ADGB: variants seen among roughly 807,000 people sequenced by gnomAD.
ADGB encodes the protein androglobin, also known as calpain-7-like protein.
ADGB carries 172 observed loss-of-function variants against 210.5 expected under a neutral mutation model. The observed-to-expected ratio is 0.82, with a 90% CI of 0.72 to 0.93. ADGB has a LOEUF of 0.93. Among genes scored for constraint, ADGB ranks in the 40% least tolerant of loss-of-function variants. The pLI, the probability that ADGB is intolerant of heterozygous loss-of-function variation, is 0.00. For synonymous variants in ADGB, 658 were observed against 662.7 expected (o/e 0.99, Z 0.11); for missense variants, 2,025 against 1,964.8 (o/e 1.03, Z -0.58).
At chr6:146,672,191 G>A in intron 7 of ADGB, 29 bp from the exon 8 acceptor site, 1 of 1,452,444 alleles carries the variant, frequency 6.9e-7, no homozygotes, top group Non-Finnish European at 9.1e-7. Flanking sequence ...ACATCGTTTG[G>A]AAATTAATGT....
chr6:146,787,049 C>T (rs1777884003), intron 32 of ADGB, among the ~76,000 whole-genome samples: 1 of 152,220 alleles, frequency 6.6e-6, no homozygotes, highest in African/African-American at 2.4e-5. Context: ...GAAAGAGGAA[C>T]TTGATTTGAT....
At chr6:146,690,071 CTGAT>C (rs1473958247) in intron 10 of ADGB, among the ~76,000 whole-genome samples, 1 of 152,124 alleles carries the variant, frequency 6.6e-6, no homozygotes, top group Non-Finnish European at 1.5e-5. Context: ...CACTAGTGCA[CTGAT>C]TAACTCCTTC....
chr6:146,777,850 A>T (rs1390918863), intron 29 of ADGB, among the ~76,000 whole-genome samples: 1 of 152,156 alleles, frequency 6.6e-6, no homozygotes, highest in African/African-American at 2.4e-5. Context: ...GTACATTTTA[A>T]ACTGCAGATT....
intron 26 of ADGB, among the ~76,000 whole-genome samples, chr6:146,748,805 C>T (rs1174564348): frequency 6.6e-6 from 1 of 152,136 alleles, no homozygotes; most frequent in Non-Finnish European, 1.5e-5. Context: ...GTCTCAAACT[C>T]TTGGCCTCAA....
intron 1 of ADGB, among the ~76,000 whole-genome samples, chr6:146,603,661 G>A (rs1482862619): frequency 6.6e-6 from 1 of 152,104 alleles, no homozygotes; most frequent in Non-Finnish European, 1.5e-5. Flanking sequence ...TAATTTTCAA[G>A]TTAATCTAAC....
chr6:146,699,382 G>A (rs1179077097), intron 12 of ADGB, among the ~76,000 whole-genome samples: 3 of 152,084 alleles, frequency 2.0e-5, no homozygotes, highest in African/African-American at 7.2e-5. Flanking sequence ...GAGTCCGAAG[G>A]GCAGAAGCCC....
chr6:146,635,021 CTGAT>C (rs1380193654), intron 1 of ADGB, among the ~76,000 whole-genome samples: 2 of 151,892 alleles, frequency 1.3e-5, no homozygotes, highest in African/African-American at 2.4e-5. Flanking sequence ...TATATGTAGA[CTGAT>C]AGATATATAG....
At chr6:146,716,040 C>A (rs1009316058) in intron 14 of ADGB, among the ~76,000 whole-genome samples, 13 of 143,594 alleles carry the variant, frequency 9.1e-5, no homozygotes, top group Admixed American at 3.4e-4. Context: ...TGCACTCCAG[C>A]CTGGACTCCG....
At chr6:146,807,562 A>C in intron 35 of ADGB, 4 of 1,538,252 alleles carry the variant, frequency 2.6e-6, no homozygotes, top group Non-Finnish European at 3.5e-6. Context: ...GACACACAGA[A>C]AAAAAAGAAA....
intron 27 of ADGB, among the ~76,000 whole-genome samples, chr6:146,763,575 A>G (rs563806875): frequency 1.2e-4 from 19 of 152,354 alleles, no homozygotes; most frequent in Non-Finnish European, 2.8e-4. Context: ...TAACATACAT[A>G]TGTGGCATTA....
chr6:146,675,174 C>T lies in ADGB; in HGVS notation c.1088-1139C>T, dbSNP rs765568987. Among the ~76,000 whole-genome samples, 112 of 151,998 alleles carry T rather than the reference C, an allele frequency of 7.4e-4. 1 individual carries two copies. The highest frequency in any genetic ancestry group is 1.4e-3 in the Non-Finnish European group (93 of 67,996). ...TCTGCTGAAAAAGCTAAGATATGGG[C>T]CGGGCATAGTTGCTCACACCTGTAT... On this transcript the variant is annotated intron_variant, in intron 8 of 35. Transcript: ENST00000397944.
intron 10 of ADGB, among the ~76,000 whole-genome samples, chr6:146,686,314 T>C (rs1189130405): frequency 3.9e-5 from 6 of 152,110 alleles, no homozygotes; most frequent in Non-Finnish European, 7.4e-5. Context: ...TGTTTTCTTA[T>C]ACATTTAACA....
chr6:146,675,274 T>TGA, intron 8 of ADGB, among the ~76,000 whole-genome samples: 1 of 152,028 alleles, frequency 6.6e-6, no homozygotes, highest in East Asian at 1.9e-4. Flanking sequence ...GACAACCTGG[T>TGA]GAAATCCTGT....
intron 7 of ADGB, among the ~76,000 whole-genome samples, chr6:146,669,587 C>T (rs1562269863): frequency 6.6e-6 from 1 of 152,098 alleles, no homozygotes; most frequent in Non-Finnish European, 1.5e-5. Context: ...GCAACACTTG[C>T]TTCCCTTGGT....
intron 2 of ADGB, among the ~76,000 whole-genome samples, chr6:146,641,316 A>G (rs11963708): frequency 0.019 from 2,950 of 152,174 alleles, 40 homozygotes; most frequent in Middle Eastern, 0.058. Flanking sequence ...TGAAAAGGCT[A>G]TACTGCCCAA....
intron 1 of ADGB, among the ~76,000 whole-genome samples, chr6:146,607,949 G>A (rs1274391208): frequency 2.0e-5 from 3 of 152,122 alleles, no homozygotes; most frequent in African/African-American, 4.8e-5. Context: ...TCCCCTCGAT[G>A]TGTTGGAATC....
intron 7 of ADGB, among the ~76,000 whole-genome samples, chr6:146,669,198 A>G (rs1775974503): frequency 1.3e-5 from 2 of 152,080 alleles, no homozygotes; most frequent in African/African-American, 4.8e-5. Context: ...GATCAAATGA[A>G]AAAACAATAA....
rs532041669 is a variant in ADGB at position 146,698,630 on chromosome 6, T to C, written c.1578-2311T>C. Among the ~76,000 whole-genome samples the C allele has an allele frequency of 2.6e-5, 4 of 152,322 alleles. No homozygotes were observed. In the East Asian group the frequency reaches 5.8e-4, roughly 22 times the overall value. On this transcript the variant is annotated intron_variant, in intron 12 of 35. Coordinates refer to ENST00000397944, the MANE Select transcript of ADGB (RefSeq NM_024694.4). ...AGACAAATATTGGCAGTTGGCAATGTCAAGCCATGCGGGACAGCTTTATAA... is the reference window on the plus strand; with the variant it reads ...AGACAAATATTGGCAGTTGGCAATGCCAAGCCATGCGGGACAGCTTTATAA...
intron 2 of ADGB, among the ~76,000 whole-genome samples, chr6:146,643,798 A>G (rs1338345293): frequency 2.0e-5 from 3 of 151,934 alleles, no homozygotes; most frequent in Non-Finnish European, 4.4e-5. Context: ...ACGTCTTTAC[A>G]TGAAATACTA....
Sources: gnomAD v4.1 joint callset for allele counts (sites outside exome capture counted in the v4.1 genomes callset) on GRCh38, gnomAD v4.1.1 for gene constraint, MANE v1.5 for transcripts, NCBI Gene and HGNC (gene_info 2026-07-23, HGNC 2026-07-21) for gene names.